Variants in FIGN observed in about 807,000 individuals in gnomAD.
FIGN encodes fidgetin.
Under a neutral mutation model 51.3 loss-of-function variants are expected in FIGN, and 11 were observed. The observed-to-expected ratio is 0.21, with a 90% confidence interval of 0.13 to 0.35. The LOEUF (loss-of-function observed/expected upper bound fraction) is 0.35, where lower values mean the gene tolerates loss of function less well. Among genes scored for constraint, FIGN ranks in the 10% least tolerant of loss-of-function variants. The pLI, the probability that FIGN is intolerant of heterozygous loss-of-function variation, is 1.00. For synonymous variants in FIGN, 407 were observed against 363.2 expected (o/e 1.12, Z -1.37); for missense variants, 857 against 943.6 (o/e 0.91, Z 1.20).
chr2:163,646,301 A>G (rs1683381516), intron 2 of FIGN, among the ~76,000 whole-genome samples: 1 of 152,150 alleles, frequency 6.6e-6, no homozygotes, highest in South Asian at 2.1e-4. Flanking sequence ...AAGAGTTGTA[A>G]TGTGTTTTAA....
chr2:163,623,133 A>G (rs1019973406), intron 2 of FIGN, among the ~76,000 whole-genome samples: 3 of 152,182 alleles, frequency 2.0e-5, no homozygotes, highest in Non-Finnish European at 2.9e-5. Context: ...TGGAAAGGCT[A>G]TAGAGAATAT....
At chr2:163,688,222 A>G (rs1684184703) in intron 2 of FIGN, among the ~76,000 whole-genome samples, 1 of 152,228 alleles carries the variant, frequency 6.6e-6, no homozygotes, top group South Asian at 2.1e-4. Flanking sequence ...CAGGAGATCC[A>G]TCACCAGTGA....
chr2:163,669,891 T>C (rs1254300172), intron 2 of FIGN, among the ~76,000 whole-genome samples: 1 of 152,210 alleles, frequency 6.6e-6, no homozygotes, highest in Non-Finnish European at 1.5e-5. Flanking sequence ...GTAAGTAGGA[T>C]TTAATAGAAA....
chr2:163,689,016 C>T (rs929878680), intron 2 of FIGN, among the ~76,000 whole-genome samples: 1 of 151,880 alleles, frequency 6.6e-6, no homozygotes, highest in Non-Finnish European at 1.5e-5. Flanking sequence ...ACAAAATTAG[C>T]AGGTGTGGTG....
chr2:163,643,601 A>G (rs1297945879), intron 2 of FIGN, among the ~76,000 whole-genome samples: 2 of 151,548 alleles, frequency 1.3e-5, no homozygotes, highest in Non-Finnish European at 2.9e-5. Context: ...TAGTGAGCCA[A>G]GATCATGCCA....
chr2:163,610,972 G>T lies in FIGN; in HGVS notation c.860C>A (p.Pro287His). The T allele has an allele frequency of 3.1e-6, 5 of 1,613,872 alleles. No homozygotes were observed. The highest frequency in any genetic ancestry group is 4.2e-6 in the Non-Finnish European group (5 of 1,179,956). The change falls in exon 3 of 3, where the codon CCC (proline) becomes CAC (histidine). Residue 287 changes from proline to histidine, a missense_variant. Pro to His is a moderately conservative substitution (Grantham distance 77, BLOSUM62 -2). Around this residue, in one of 3 missense-constraint regions of FIGN, gnomAD observed 799 missense variants for 849.5 expected, o/e 0.94. Coordinates refer to ENST00000333129, the MANE Select transcript of FIGN (RefSeq NM_018086.4). ...SGIPAPTPLP[P>H]TTVPGYTYQG... ...GTAGGTGTAGCCAGGAACAGTGGTGGGGGGTAGGGGGGTGGGAGCAGGAAT... is the reference window on the plus strand; with the variant it reads ...GTAGGTGTAGCCAGGAACAGTGGTGTGGGGTAGGGGGGTGGGAGCAGGAAT...
intron 2 of FIGN, among the ~76,000 whole-genome samples, chr2:163,695,564 T>A (rs1369584040): frequency 6.6e-6 from 1 of 152,144 alleles, no homozygotes; most frequent in African/African-American, 2.4e-5. Context: ...CATGTAACCA[T>A]AAAATTTGTT....
chr2:163,642,208 C>T (rs1683316257), intron 2 of FIGN, among the ~76,000 whole-genome samples: 1 of 152,208 alleles, frequency 6.6e-6, no homozygotes, highest in Non-Finnish European at 1.5e-5. Flanking sequence ...TACTCTCCAG[C>T]TGTTACAGTG....
chr2:163,644,375 A>C (rs1164150565), intron 2 of FIGN, among the ~76,000 whole-genome samples: 2 of 152,200 alleles, frequency 1.3e-5, no homozygotes, highest in African/African-American at 2.4e-5. Context: ...TCAAAACCAC[A>C]ATGAAATACC....
intron 2 of FIGN, among the ~76,000 whole-genome samples, chr2:163,669,272 C>A (rs888901953): frequency 2.6e-5 from 4 of 151,942 alleles, no homozygotes; most frequent in Non-Finnish European, 5.9e-5. Context: ...GTGCAGTGGC[C>A]CAATTACAAC....
chr2:163,624,425 A>G (rs1465401943), intron 2 of FIGN, among the ~76,000 whole-genome samples: 2 of 151,460 alleles, frequency 1.3e-5, no homozygotes. Context: ...AGAAGAAGAG[A>G]AAGAAAAAAA....
intron 2 of FIGN, among the ~76,000 whole-genome samples, chr2:163,690,583 C>T (rs1472921205): frequency 6.6e-6 from 1 of 151,920 alleles, no homozygotes; most frequent in African/African-American, 2.4e-5. Flanking sequence ...TTAACAATAC[C>T]AGTCTAGTCT....
At chr2:163,682,240 T>C (rs1345818824) in intron 2 of FIGN, among the ~76,000 whole-genome samples, 1 of 152,250 alleles carries the variant, frequency 6.6e-6, no homozygotes, top group Non-Finnish European at 1.5e-5. Flanking sequence ...AAAAATCCCA[T>C]TTGTTTCATT....
chr2:163,670,763 GAAGTA>G (rs1405278266), intron 2 of FIGN, among the ~76,000 whole-genome samples: 4 of 152,138 alleles, frequency 2.6e-5, no homozygotes, highest in Non-Finnish European at 5.9e-5. Context: ...TGTAATGAAT[GAAGTA>G]TTCTCAGCAA....
At chr2:163,611,912 AT>A in intron 2 of FIGN, 106 bp from the exon 3 acceptor site, 2 of 687,736 alleles carry the variant, frequency 2.9e-6, no homozygotes, top group Non-Finnish European at 4.4e-6. Context: ...CATTAATGAT[AT>A]GCATACTTTA....
chr2:163,664,605 C>T (rs1285350190), intron 2 of FIGN, among the ~76,000 whole-genome samples: 1 of 152,160 alleles, frequency 6.6e-6, no homozygotes, highest in African/African-American at 2.4e-5. Context: ...TCCTGTTCTC[C>T]TATATTTAAA....
intron 2 of FIGN, among the ~76,000 whole-genome samples, chr2:163,727,900 A>G (rs1446019633): frequency 1.3e-5 from 2 of 152,212 alleles, no homozygotes; most frequent in Non-Finnish European, 2.9e-5. Context: ...GGAAGCAACG[A>G]TGTAAATGTT....
intron 2 of FIGN, among the ~76,000 whole-genome samples, chr2:163,684,918 C>T (rs866484812): frequency 3.9e-4 from 58 of 149,432 alleles, no homozygotes; most frequent in African/African-American, 1.3e-3. Flanking sequence ...GGGATTAAGG[C>T]GGGAGCCACC....
chr2:163,620,098 T>C (rs1056257371), intron 2 of FIGN, among the ~76,000 whole-genome samples: 9 of 152,172 alleles, frequency 5.9e-5, no homozygotes, highest in African/African-American at 1.2e-4. Flanking sequence ...TCTTCCTAAG[T>C]GTCAGGTGTC....
Sources: gnomAD v4.1 joint callset for allele counts (sites outside exome capture counted in the v4.1 genomes callset) on GRCh38, gnomAD v4.1.1 for gene constraint, gnomAD v4.1.1 regional missense constraint, MANE v1.5 for transcripts, NCBI Gene and HGNC (gene_info 2026-07-23, HGNC 2026-07-21) for gene names.